The following PDE7A variants were observed in gnomAD, a reference collection of about 807,000 sequenced individuals.
PDE7A encodes the protein high affinity 3',5'-cyclic-AMP phosphodiesterase 7A.
A neutral mutation model predicts 64.3 loss-of-function variants in PDE7A; 39 were observed. That is an observed-to-expected ratio of 0.61 (90% CI 0.47 to 0.79). PDE7A has a LOEUF of 0.79. Ranked by LOEUF, PDE7A falls within the 30% of genes least tolerant of loss-of-function variation. The pLI, the probability that PDE7A is intolerant of heterozygous loss-of-function variation, is 0.00. For missense variants in PDE7A, 470 were observed against 582.8 expected, an observed-to-expected ratio of 0.81 and a Z score of 1.99; for synonymous variants, 203 against 206.8, an observed-to-expected ratio of 0.98 and a Z score of 0.16.
rs755560856 is a variant in PDE7A, at chr8:65,788,744, C to T, written c.139-5901G>A. ...AAATAGTAAATTTAAGCCCTTTGGT[C>T]GACAGATGAAACTCACAGCTCTTTT... On this transcript the variant is annotated intron_variant, in intron 1 of 12. Transcript: ENST00000401827. 30 of 543,978 alleles carry T rather than the reference C, an allele frequency of 5.5e-5. 1 individual carries two copies. Among genetic ancestry groups the T allele is most frequent in the Admixed American group, 1.6e-4 (5 of 31,874 alleles). The allele number at this position is 543,978 out of a possible 1,614,324, so 33.7% of individuals were successfully genotyped here. A position where few individuals can be genotyped will look rare whatever the true frequency, so the allele number is the denominator to read the frequency against.
At chr8:65,798,207 T>TATATATATA (rs552708184) in intron 1 of PDE7A, among the ~76,000 whole-genome samples, 61 of 15,434 alleles carry the variant, frequency 4.0e-3, no homozygotes, top group African/African-American at 0.01. Flanking sequence ...TATATATATA[T>TATATATATA]TTTTTTTTTT....
intron 3 of PDE7A, among the ~76,000 whole-genome samples, chr8:65,759,324 A>ATT (rs1169560756): frequency 1.8e-4 from 27 of 152,048 alleles, no homozygotes; most frequent in African/African-American, 6.0e-4. Flanking sequence ...ACTGGGGGAA[A>ATT]CCCCTGAGGC....
At chr8:65,782,245 C>G (rs1809439420) in intron 2 of PDE7A, among the ~76,000 whole-genome samples, 1 of 152,166 alleles carries the variant, frequency 6.6e-6, no homozygotes, top group Admixed American at 6.5e-5. Context: ...AGACAGAAAT[C>G]TGGCACAGAG....
chr8:65,800,333 T>A (rs1809958414), intron 1 of PDE7A, among the ~76,000 whole-genome samples: 1 of 152,220 alleles, frequency 6.6e-6, no homozygotes. Context: ...AAAGCTGCTC[T>A]TCCTTAACTA....
chr8:65,771,490 C>T (rs1461781958), intron 3 of PDE7A, among the ~76,000 whole-genome samples: 1 of 152,094 alleles, frequency 6.6e-6, no homozygotes, highest in Non-Finnish European at 1.5e-5. Flanking sequence ...TGATATCGAT[C>T]TCCCTCTATA....
chr8:65,742,908 T>A (rs915200360), intron 5 of PDE7A, among the ~76,000 whole-genome samples: 4 of 152,014 alleles, frequency 2.6e-5, no homozygotes, highest in African/African-American at 9.7e-5. Context: ...ATTCAAAGAG[T>A]GAGGTGATCA....
intron 1 of PDE7A, among the ~76,000 whole-genome samples, chr8:65,788,566 T>C (rs1169308534): frequency 1.3e-5 from 2 of 152,180 alleles, no homozygotes; most frequent in African/African-American, 4.8e-5. Context: ...ACACCAAAAG[T>C]ATAACTTAAT....
At chr8:65,811,112 C>T (rs898218874) in intron 1 of PDE7A, among the ~76,000 whole-genome samples, 6 of 151,924 alleles carry the variant, frequency 3.9e-5, no homozygotes, top group East Asian at 3.9e-4. Flanking sequence ...TCAGTGCTAG[C>T]GGTTAAAATG....
In PDE7A at chr8:65,831,960, T is replaced by A. The variant is rs1478678477; in HGVS notation, c.138+9411A>T. On this transcript the variant is annotated intron_variant, in intron 1 of 12. Coordinates refer to ENST00000401827, the MANE Select transcript of PDE7A (RefSeq NM_001242318.3). ...AACTTATAATTTCACCACCCAGCAA[T>A]AGCTTCAGTTAGCATTTTGGGATAC... is the stretch of plus-strand genomic sequence containing the variant. Among the ~76,000 whole-genome samples the A allele has an allele frequency of 2.6e-5, 4 of 152,336 alleles. No individual in the cohort carries two copies. In the East Asian group the frequency reaches 5.8e-4, roughly 22 times the overall value.
rs1382710327 is a variant in PDE7A, at chr8:65,724,181, G to C, written c.1162+74C>G. 1.1e-5 allele frequency: 10 copies of C among 881,296 alleles called. No homozygotes were observed. The Admixed American group carries it at 1.8e-4, about 16-fold the overall frequency. 54.6% of individuals were successfully genotyped at this position (881,296 alleles called of 1,614,324 possible). A position where few individuals can be genotyped will look rare whatever the true frequency, so the allele number is the denominator to read the frequency against. ...TACTGCTAGACCCATATAAATTATT[G>C]AGTTATTTTATTCTTACGATGTTAA... On this transcript the variant is annotated intron_variant, in intron 11 of 12. Coordinates refer to ENST00000401827, the MANE Select transcript of PDE7A (RefSeq NM_001242318.3).
intron 1 of PDE7A, among the ~76,000 whole-genome samples, chr8:65,829,386 C>T (rs1212326137): frequency 2.6e-5 from 4 of 152,040 alleles, no homozygotes; most frequent in Non-Finnish European, 5.9e-5. Context: ...AAAAGTAACT[C>T]AGATATTTTC....
At chr8:65,792,848 C>A (rs1809736994) in intron 1 of PDE7A, among the ~76,000 whole-genome samples, 3 of 151,976 alleles carry the variant, frequency 2.0e-5, no homozygotes, top group South Asian at 4.1e-4. Context: ...GCTTCCATAA[C>A]AAAAAATTAT....
intron 1 of PDE7A, among the ~76,000 whole-genome samples, chr8:65,836,011 T>C (rs975197435): frequency 3.3e-5 from 5 of 152,196 alleles, no homozygotes; most frequent in African/African-American, 1.2e-4. Flanking sequence ...AGTATGGTAG[T>C]ATTAAATTTA....
At chr8:65,837,444 C>T (rs78622829) in intron 1 of PDE7A, among the ~76,000 whole-genome samples, 8,691 of 152,276 alleles carry the variant, frequency 0.057, 354 homozygotes, top group Middle Eastern at 0.11. Context: ...GTGTATACGT[C>T]ATGAGATACC....
chr8:65,716,163 AC>A lies in PDE7A; in HGVS notation c.*3126del, dbSNP rs1474967167. On this transcript the variant is annotated 3_prime_UTR_variant, in exon 13 of 13. Transcript: ENST00000401827. ...GACCCTGTCTCAAAAAAAAAAAAAA[AC>A]AAAAGGGCTATAGAAGGTGATTCCC... Among the ~76,000 whole-genome samples the A allele has an allele frequency of 5.5e-4, 83 of 151,220 alleles. No individual in the cohort carries two copies. The highest frequency in any genetic ancestry group is 1.7e-3 in the African/African-American group (70 of 41,276).
At chr8:65,761,063 T>TC (rs1447809683) in intron 3 of PDE7A, among the ~76,000 whole-genome samples, 2 of 151,994 alleles carry the variant, frequency 1.3e-5, no homozygotes, top group Non-Finnish European at 2.9e-5. Flanking sequence ...TATTGTTTTT[T>TC]CTTTTTTTTT....
chr8:65,824,999 A>C (rs1187021321), intron 1 of PDE7A, among the ~76,000 whole-genome samples: 1 of 152,238 alleles, frequency 6.6e-6, no homozygotes, highest in Non-Finnish European at 1.5e-5. Flanking sequence ...TATATTGGAA[A>C]TATAAATTGG....
intron 3 of PDE7A, among the ~76,000 whole-genome samples, chr8:65,765,373 C>T (rs1449913041): frequency 6.7e-6 from 1 of 149,200 alleles, no homozygotes; most frequent in African/African-American, 2.5e-5. Flanking sequence ...CCTGTAGTCC[C>T]AGCTACTCGG....
rs1355891965 is a variant in PDE7A, at chr8:65,730,185, T to C, written c.697-2884A>G. ...GTTGCGCACTTCTTTTTTTTTTTTTTTTTTTTTTTTTTGAGATGGAGTTTC... is the reference window on the plus strand; with the variant it reads ...GTTGCGCACTTCTTTTTTTTTTTTTCTTTTTTTTTTTTGAGATGGAGTTTC... On this transcript the variant is annotated intron_variant, in intron 7 of 12. Transcript: ENST00000401827. Among the ~76,000 whole-genome samples, 9 of 135,276 alleles carry C rather than the reference T, an allele frequency of 6.7e-5. 1 individual carries two copies. The highest frequency in any genetic ancestry group is 2.6e-4 in the South Asian group (1 of 3,916). The allele number at this position is 135,276 out of a possible 152,430, so 88.7% of individuals were successfully genotyped here.
Sources: gnomAD v4.1 joint callset for allele counts (sites outside exome capture counted in the v4.1 genomes callset) on GRCh38, gnomAD v4.1.1 for gene constraint, MANE v1.5 for transcripts, NCBI Gene and HGNC (gene_info 2026-07-23, HGNC 2026-07-21) for gene names.